RBM47: variants seen among roughly 807,000 people sequenced by gnomAD.
RBM47 encodes the protein RNA binding motif protein 47, also known as RNA-binding protein 47.
In RBM47, 21 loss-of-function variants were observed where a neutral mutation model predicts 47.1. The ratio of observed to expected loss-of-function variants is 0.45; its 90% CI spans 0.32 to 0.64. RBM47 has a LOEUF of 0.64. Among genes scored for constraint, RBM47 ranks in the 30% least tolerant of loss-of-function variants. The pLI, the probability that RBM47 is intolerant of heterozygous loss-of-function variation, is 0.05. For missense variants in RBM47, 708 were observed against 870.9 expected (o/e 0.81, Z 2.35); for synonymous variants, 375 against 361.7 (o/e 1.04, Z -0.42).
At chr4:40,486,557 A>G (rs278960) in intron 2 of RBM47, among the ~76,000 whole-genome samples, 85,573 of 152,096 alleles carry the variant, frequency 0.56, 26,049 homozygotes, top group African/African-American at 0.81. Context: ...CCAGTACTTT[A>G]GGAGGCCAAA....
At chr4:40,469,035 T>C (rs1014275131) in intron 2 of RBM47, among the ~76,000 whole-genome samples, 2 of 152,336 alleles carry the variant, frequency 1.3e-5, no homozygotes, top group East Asian at 1.9e-4. Flanking sequence ...TGAGCCTCAG[T>C]TTCCACCTCC....
At chr4:40,595,396 A>T (rs1262266762) in intron 1 of RBM47, among the ~76,000 whole-genome samples, 1 of 152,142 alleles carries the variant, frequency 6.6e-6, no homozygotes, top group Non-Finnish European at 1.5e-5. Context: ...CGGGAGGCTG[A>T]GGCAAGACAA....
At chr4:40,511,169 C>T (rs936350061) in intron 2 of RBM47, among the ~76,000 whole-genome samples, 2 of 152,224 alleles carry the variant, frequency 1.3e-5, no homozygotes, top group Admixed American at 6.5e-5. Flanking sequence ...CGAGCTCCTA[C>T]GCATGTGACT....
At position 40,517,900 on chromosome 4, in the gene RBM47, T is replaced by C. The variant is rs562480575; in HGVS notation, c.-155+26522A>G. On this transcript the variant is annotated intron_variant, in intron 2 of 6. Transcript: ENST00000295971. ...TATGGGAAGATATGTGTAGGTCATA[T>C]GCAAATACTGCACCATTTTATATAG... Among the ~76,000 whole-genome samples the C allele has an allele frequency of 2.6e-5, 4 of 152,178 alleles. No individual in the cohort carries two copies. The South Asian group carries it at 8.3e-4, about 32-fold the overall frequency.
intron 2 of RBM47, among the ~76,000 whole-genome samples, chr4:40,488,150 A>C (rs1212564357): frequency 2.0e-5 from 3 of 151,982 alleles, no homozygotes; most frequent in Non-Finnish European, 2.9e-5. Context: ...GGTGAAACCC[A>C]GCCTCTACTA....
At chr4:40,578,005 G>A (rs1223557254) in intron 1 of RBM47, among the ~76,000 whole-genome samples, 1 of 152,070 alleles carries the variant, frequency 6.6e-6, no homozygotes, top group African/African-American at 2.4e-5. Context: ...AAGAATTATA[G>A]GAGGTCACTG....
intron 6 of RBM47, among the ~76,000 whole-genome samples, chr4:40,431,582 T>C (rs564456953): frequency 6.3e-4 from 95 of 150,250 alleles, no homozygotes; most frequent in South Asian, 3.2e-3. Flanking sequence ...GGCGTGAACC[T>C]GGGAGGCGGA....
In RBM47 at chr4:40,581,434, T is replaced by TAATAAATAAATAAATAAATAAATA. The variant is rs375591976; in HGVS notation, c.-239-36952_-239-36929dup. ...AGAACTTGTCTCAAAAAAAAAGTAA[T>TAATAAATAAATAAATAAATAAATA]AATAAATAAATAAATAAATAAATAA... On this transcript the variant is annotated intron_variant, in intron 1 of 6. Transcript: ENST00000295971. Among the ~76,000 whole-genome samples, 79 of 139,042 alleles carry TAATAAATAAATAAATAAATAAATA rather than the reference T, an allele frequency of 5.7e-4. 2 individuals are homozygous for TAATAAATAAATAAATAAATAAATA. The highest frequency in any genetic ancestry group is 4.6e-4 in the South Asian group (2 of 4,374). 91.2% of individuals were successfully genotyped at this position (139,042 alleles called of 152,430 possible).
At chr4:40,535,474 C>T (rs559293350) in intron 2 of RBM47, among the ~76,000 whole-genome samples, 40 of 150,028 alleles carry the variant, frequency 2.7e-4, no homozygotes, top group African/African-American at 5.9e-4. Context: ...CGGGTTCAAG[C>T]GATTCTCCTG....
chr4:40,577,195 C>G (rs145429570), intron 1 of RBM47, among the ~76,000 whole-genome samples: 19 of 152,286 alleles, frequency 1.2e-4, no homozygotes, highest in Non-Finnish European at 2.4e-4. Flanking sequence ...AAATAGCCTT[C>G]CTGGAGTGCT....
rs1724023406 is a variant in RBM47 at position 40,505,804 on chromosome 4, A to C, written c.-155+38618T>G. Among the ~76,000 whole-genome samples the C allele has an allele frequency of 2.6e-5, 4 of 152,140 alleles. No homozygotes were observed. The South Asian group carries it at 8.3e-4, about 32-fold the overall frequency. On this transcript the variant is annotated intron_variant, in intron 2 of 6. Transcript: ENST00000295971. ...CTACTCAGAAGGCTGAGACACGAGA[A>C]TCACTTGAACCCAGGAAGCAGACGT...
intron 2 of RBM47, among the ~76,000 whole-genome samples, chr4:40,530,963 G>T (rs572608641): frequency 2.2e-4 from 34 of 152,270 alleles, no homozygotes; most frequent in African/African-American, 7.7e-4. Context: ...AGCTGGGCAT[G>T]GGGGTGCATG....
chr4:40,556,608 G>A (rs965623953), intron 1 of RBM47, among the ~76,000 whole-genome samples: 2 of 152,000 alleles, frequency 1.3e-5, no homozygotes, highest in African/African-American at 4.8e-5. Flanking sequence ...ATACTATGAG[G>A]GCCAGACACA....
At chr4:40,437,631 A>G in intron 4 of RBM47, 140 bp downstream of exon 4, 1 of 814,676 alleles carries the variant, frequency 1.2e-6, no homozygotes, top group Non-Finnish European at 1.9e-6. Context: ...AATTAGACCC[A>G]GAATGCAAAC....
At chr4:40,613,335 C>T (rs1404863162) in intron 1 of RBM47, among the ~76,000 whole-genome samples, 1 of 151,908 alleles carries the variant, frequency 6.6e-6, no homozygotes, top group Non-Finnish European at 1.5e-5. Context: ...ATATAAATAT[C>T]AAGAAGTCCC....
Position 40,437,951 on chromosome 4 carries a change from G to C in RBM47, c.943C>G (p.Leu315Val), listed in dbSNP as rs369435498. The change falls in exon 4 of 7, where the codon CTG becomes GTG. Residue 315 changes from leucine to valine, a missense_variant. Leu to Val is a conservative substitution (Grantham distance 32). Coordinates refer to ENST00000295971, the MANE Select transcript of RBM47 (RefSeq NM_001098634.2). ...TGCTCCTTGTCCACGGGCTTGGCCA[G>C]CGTGACCTCCAGGCACGAGCCCTCC... is the stretch of plus-strand genomic sequence containing the variant. ...ELEGSCLEVT[L>V]AKPVDKEQYS... The C allele has an allele frequency of 6.2e-7, 1 of 1,613,528 alleles. No individual in the cohort carries two copies. The highest frequency in any genetic ancestry group is 8.5e-7 in the Non-Finnish European group (1 of 1,179,962).
At chr4:40,441,706 C>T (rs934201396) in intron 3 of RBM47, among the ~76,000 whole-genome samples, 1 of 152,188 alleles carries the variant, frequency 6.6e-6, no homozygotes, top group African/African-American at 2.4e-5. Context: ...TTTGAAACTA[C>T]TATTCTACCT....
rs111804965 is a variant in RBM47, at chr4:40,531,698, G to A, written c.-155+12724C>T. ...TATTATGTAAAATGTATAAATGTCA[G>A]AAAAGCAGATATAAAAAAATTAAAA... On this transcript the variant is annotated intron_variant, in intron 2 of 6. Transcript: ENST00000295971. Among the ~76,000 whole-genome samples the A allele has an allele frequency of 4.8e-3, 730 of 152,260 alleles. 8 individuals are homozygous for A. The highest frequency in any genetic ancestry group is 0.016 in the African/African-American group (670 of 41,544).
intron 6 of RBM47, among the ~76,000 whole-genome samples, chr4:40,432,396 T>C (rs1181095398): frequency 6.6e-6 from 1 of 152,194 alleles, no homozygotes; most frequent in Admixed American, 6.5e-5. Flanking sequence ...CACAATATTA[T>C]GACACTGTGA....
Sources: allele counts gnomAD v4.1 joint callset (sites outside exome capture counted in the v4.1 genomes callset), GRCh38; gene constraint gnomAD v4.1.1; transcripts MANE v1.5; gene names NCBI Gene and HGNC (gene_info 2026-07-23, HGNC 2026-07-21).